Variants in SLC44A1 observed in about 807,000 individuals in gnomAD.
SLC44A1 encodes solute carrier family 44 member 1.
SLC44A1 carries 26 observed loss-of-function variants against 79.3 expected under a neutral mutation model. The observed-to-expected ratio is 0.33, with a 90% CI of 0.24 to 0.46. SLC44A1 has a LOEUF of 0.46. SLC44A1 is among the 20% of genes least tolerant of loss of function. SLC44A1 has a pLI of 1.00. For missense variants in SLC44A1, 688 were observed against 798.1 expected (o/e 0.86, Z 1.66); for synonymous variants, 263 against 286.2 (o/e 0.92, Z 0.82).
rs372506018 is a variant in SLC44A1 at position 105,375,900 on chromosome 9, A to AT, written c.1632+1174dup. Among the ~76,000 whole-genome samples, 26 of 150,674 alleles carry AT rather than the reference A, an allele frequency of 1.7e-4. 1 individual carries two copies. The highest frequency in any genetic ancestry group is 9.7e-4 in the East Asian group (5 of 5,140). On this transcript the variant is annotated intron_variant, in intron 13 of 15. Transcript: ENST00000374720. ...AACTTATTTCTATATAATTCTTCCCATTTTTTTTTATCGGCTTGTATTTCT... is the reference window on the plus strand; with the variant it reads ...AACTTATTTCTATATAATTCTTCCCATTTTTTTTTTATCGGCTTGTATTTCT...
At chr9:105,291,030 C>T (rs1217746914) in intron 1 of SLC44A1, among the ~76,000 whole-genome samples, 5 of 152,156 alleles carry the variant, frequency 3.3e-5, no homozygotes, top group African/African-American at 1.2e-4. Context: ...ACAGAGCCTT[C>T]CCAAAGGACA....
At chr9:105,336,157 T>C (rs1826915047) in intron 4 of SLC44A1, among the ~76,000 whole-genome samples, 2 of 152,100 alleles carry the variant, frequency 1.3e-5, no homozygotes, top group South Asian at 4.1e-4. Flanking sequence ...TGTGTGTGTG[T>C]GTGTGTATCT....
chr9:105,352,503 A>G (rs1011007363), intron 5 of SLC44A1, among the ~76,000 whole-genome samples: 2 of 152,224 alleles, frequency 1.3e-5, no homozygotes, highest in Non-Finnish European at 2.9e-5. Context: ...AAGACTCATT[A>G]TAAGTTCATT....
intron 13 of SLC44A1, among the ~76,000 whole-genome samples, chr9:105,380,797 G>A (rs1209395216): frequency 6.6e-6 from 1 of 152,116 alleles, no homozygotes; most frequent in Non-Finnish European, 1.5e-5. Context: ...GTCTTTATCA[G>A]CACCTGGGAT....
chr9:105,322,572 T>C (rs1178603719), intron 3 of SLC44A1, among the ~76,000 whole-genome samples: 1 of 152,186 alleles, frequency 6.6e-6, no homozygotes, highest in African/African-American at 2.4e-5. Context: ...GTATTGCCAT[T>C]CTAGGCCGAA....
intron 15 of SLC44A1, among the ~76,000 whole-genome samples, chr9:105,426,348 A>G (rs908292732): frequency 6.6e-6 from 1 of 152,184 alleles, no homozygotes; most frequent in Non-Finnish European, 1.5e-5. Flanking sequence ...TGACATTTAC[A>G]TTCCCTTTAA....
At chr9:105,294,873 G>GTT in intron 1 of SLC44A1, 2 of 140,444 alleles carry the variant, frequency 1.4e-5, no homozygotes, top group South Asian at 2.2e-4. Flanking sequence ...GAGTCTGTGT[G>GTT]TGTGTGTGTG....
chr9:105,385,836 T>C, intron 15 of SLC44A1: 3 of 985,454 alleles, frequency 3.0e-6, no homozygotes, highest in Non-Finnish European at 3.6e-6. Context: ...TTCATCAGAC[T>C]GAACATTTTG....
chr9:105,423,039 G>T (rs755588559), intron 15 of SLC44A1, among the ~76,000 whole-genome samples: 4 of 152,190 alleles, frequency 2.6e-5, no homozygotes, highest in Non-Finnish European at 2.9e-5. Context: ...AAACTGGGAC[G>T]GAAGGAAAGA....
intron 3 of SLC44A1, among the ~76,000 whole-genome samples, chr9:105,326,477 C>T (rs1826580355): frequency 6.6e-6 from 1 of 152,178 alleles, no homozygotes; most frequent in African/African-American, 2.4e-5. Flanking sequence ...CTCCATGGTA[C>T]ATGGATAAGC....
intron 11 of SLC44A1, 41 bp downstream of exon 11, chr9:105,365,680 T>A (rs1365005650): frequency 6.4e-7 from 1 of 1,565,526 alleles, no homozygotes; most frequent in South Asian, 1.1e-5. Context: ...GTGGGCACAT[T>A]CCAGACCTCA....
At chr9:105,299,538 A>G (rs1420099706) in intron 2 of SLC44A1, among the ~76,000 whole-genome samples, 3 of 152,266 alleles carry the variant, frequency 2.0e-5, no homozygotes. Flanking sequence ...CATTTGACGT[A>G]AGTCTCTGAA....
chr9:105,348,535 AG>A, intron 5 of SLC44A1, 84 bp downstream of exon 5: 2 of 871,692 alleles, frequency 2.3e-6, no homozygotes, highest in Non-Finnish European at 3.8e-6. Context: ...CTGAGAAAAT[AG>A]TCATTTGATA....
chr9:105,368,833 T>C (rs748477741), intron 12 of SLC44A1, among the ~76,000 whole-genome samples: 1 of 151,828 alleles, frequency 6.6e-6, no homozygotes, highest in Non-Finnish European at 1.5e-5. Context: ...AGGTCAGGAG[T>C]TCGAGACCAT....
At chr9:105,266,893 G>A (rs532286224) in intron 1 of SLC44A1, among the ~76,000 whole-genome samples, 31 of 152,290 alleles carry the variant, frequency 2.0e-4, no homozygotes, top group African/African-American at 7.5e-4. Flanking sequence ...GGATCCATTA[G>A]GGAAGAATTA....
chr9:105,420,720 G>T (rs1318996094), intron 15 of SLC44A1, among the ~76,000 whole-genome samples: 1 of 151,918 alleles, frequency 6.6e-6, no homozygotes, highest in Non-Finnish European at 1.5e-5. Context: ...AATTAGCCGG[G>T]CGTGGTGACA....
At chr9:105,428,372 C>G (rs66497257) in intron 15 of SLC44A1, among the ~76,000 whole-genome samples, 1 of 151,984 alleles carries the variant, frequency 6.6e-6, no homozygotes, top group African/African-American at 2.4e-5. Context: ...ATTTGTTATG[C>G]AATTTATTCC....
At position 105,271,803 on chromosome 9, in the gene SLC44A1, G is replaced by A. The variant is rs554536399; in HGVS notation, c.36+26899G>A. Among the ~76,000 whole-genome samples the A allele has an allele frequency of 2.0e-5, 3 of 151,992 alleles. 1 individual carries two copies. The highest frequency in any genetic ancestry group is 2.0e-4 in the Admixed American group (3 of 15,268). ...TAATTTTTGTAGTTTTAGTAGAGAC[G>A]GGGTTTCGCTATGTTGGCCAGGCTG... On this transcript the variant is annotated intron_variant, in intron 1 of 15. Transcript: ENST00000374720.
chr9:105,330,941 C>G (rs986147040), intron 3 of SLC44A1, among the ~76,000 whole-genome samples: 3 of 152,194 alleles, frequency 2.0e-5, no homozygotes, highest in African/African-American at 7.2e-5. Context: ...TTGCAATTCC[C>G]TTTGCAAATG....
Sources: allele counts gnomAD v4.1 joint callset (sites outside exome capture counted in the v4.1 genomes callset), GRCh38; gene constraint gnomAD v4.1.1; transcripts MANE v1.5; gene names NCBI Gene and HGNC (gene_info 2026-07-23, HGNC 2026-07-21).